Variants in USP32 observed in about 807,000 individuals in gnomAD.
USP32 encodes ubiquitin carboxyl-terminal hydrolase 32.
USP32 carries 59 observed loss-of-function variants against 204.8 expected under a neutral mutation model. That is an observed-to-expected ratio of 0.29 (90% CI 0.23 to 0.36). USP32 has a LOEUF of 0.36. Ranked by LOEUF, USP32 falls within the 10% of genes least tolerant of loss-of-function variation. USP32 has a pLI of 1.00. For synonymous variants in USP32, 517 were observed against 678.4 expected, an observed-to-expected ratio of 0.76 and a Z score of 3.70; for missense variants, 1,160 against 1,946.4, an observed-to-expected ratio of 0.60 and a Z score of 7.60.
intron 2 of USP32, among the ~76,000 whole-genome samples, chr17:60,312,488 T>C (rs2145920776): frequency 6.6e-6 from 1 of 151,772 alleles, no homozygotes; most frequent in East Asian, 1.9e-4. Context: ...TGCAGTGGCA[T>C]AACCACAGCT....
chr17:60,334,271 C>T (rs561744588), intron 2 of USP32, among the ~76,000 whole-genome samples: 2 of 152,044 alleles, frequency 1.3e-5, no homozygotes, highest in Admixed American at 6.6e-5. Flanking sequence ...AGGCCATGTA[C>T]GATCTGTGTT....
intron 5 of USP32, among the ~76,000 whole-genome samples, chr17:60,281,012 A>C (rs2086954630): frequency 6.6e-6 from 1 of 152,240 alleles, no homozygotes; most frequent in Non-Finnish European, 1.5e-5. Flanking sequence ...TGTTGAATAA[A>C]TTTGTTGGTT....
chr17:60,293,424 A>G (rs1353354171), intron 4 of USP32, among the ~76,000 whole-genome samples: 4 of 152,112 alleles, frequency 2.6e-5, no homozygotes. Context: ...ATTATGGGGG[A>G]AAAAAACAAA....
intron 2 of USP32, among the ~76,000 whole-genome samples, chr17:60,325,898 C>T (rs2145951990): frequency 6.7e-6 from 1 of 149,424 alleles, no homozygotes; most frequent in Admixed American, 6.7e-5. Flanking sequence ...CATTGCACTC[C>T]AGCCTAGGTG....
At position 60,178,959 on chromosome 17, in the gene USP32, A is replaced by G. The variant is rs2084032527; in HGVS notation, c.*296T>C. 1 of 322,284 alleles carries G rather than the reference A, an allele frequency of 3.1e-6. No individual in the cohort carries two copies. Among genetic ancestry groups the G allele is most frequent in the Non-Finnish European group, 5.7e-6 (1 of 174,074 alleles). 20.0% of individuals were successfully genotyped at this position (322,284 alleles called of 1,614,324 possible). On this transcript the variant is annotated 3_prime_UTR_variant, in exon 34 of 34. Transcript: ENST00000300896. ...ACTACATATTTGTTCATATCTGGACAAGCACAATTGAATTCTTATTTGGTC... is the reference window on the plus strand; with the variant it reads ...ACTACATATTTGTTCATATCTGGACGAGCACAATTGAATTCTTATTTGGTC...
At chr17:60,323,903 A>G (rs541937117) in intron 2 of USP32, among the ~76,000 whole-genome samples, 1 of 152,364 alleles carries the variant, frequency 6.6e-6, no homozygotes, top group African/African-American at 2.4e-5. Context: ...ATTCTTCTTC[A>G]AAGATGGAAT....
At chr17:60,264,060 G>A (rs2086522995) in intron 9 of USP32, among the ~76,000 whole-genome samples, 1 of 152,194 alleles carries the variant, frequency 6.6e-6, no homozygotes, top group East Asian at 1.9e-4. Context: ...AGTAATGCAA[G>A]CTATAGGAGT....
At chr17:60,179,631 T>C (rs551034293) in intron 33 of USP32, among the ~76,000 whole-genome samples, 3 of 152,300 alleles carry the variant, frequency 2.0e-5, no homozygotes, top group Non-Finnish European at 4.4e-5. Flanking sequence ...ATTTTGACCA[T>C]AGACAAGTCA....
intron 30 of USP32, among the ~76,000 whole-genome samples, chr17:60,184,384 G>A (rs944307053): frequency 2.0e-5 from 3 of 150,944 alleles, no homozygotes; most frequent in African/African-American, 7.3e-5. Context: ...CTTCCCTCTA[G>A]TTCCTATCTG....
chr17:60,332,432 G>A (rs1212021308), intron 2 of USP32, among the ~76,000 whole-genome samples: 1 of 151,968 alleles, frequency 6.6e-6, no homozygotes, highest in Admixed American at 6.6e-5. Context: ...TGGATCACCT[G>A]AGGTCAGGAG....
At chr17:60,309,769 G>C (rs1324906250) in intron 2 of USP32, among the ~76,000 whole-genome samples, 1 of 151,906 alleles carries the variant, frequency 6.6e-6, no homozygotes. Context: ...AGGCAGACTG[G>C]GCACAGTGGC....
At chr17:60,421,489 C>T (rs111335380) in intron 1 of USP32, 10 of 985,466 alleles carry the variant, frequency 1.0e-5, no homozygotes, top group Middle Eastern at 5.2e-4. Context: ...CAGGGCCACA[C>T]TGAGTGGGGA....
intron 2 of USP32, among the ~76,000 whole-genome samples, chr17:60,328,236 G>A (rs2088293417): frequency 6.6e-6 from 1 of 152,204 alleles, no homozygotes; most frequent in Admixed American, 6.5e-5. Flanking sequence ...CCCAGGATCA[G>A]CCAGAGCTGT....
At chr17:60,181,892 T>C in intron 31 of USP32, 144 bp from the exon 32 acceptor site, 1 of 1,289,788 alleles carries the variant, frequency 7.8e-7, no homozygotes, top group Non-Finnish European at 1.1e-6. Flanking sequence ...CTTTAGTTCC[T>C]ATTATGTAGC....
chr17:60,316,082 T>C (rs557228012), intron 2 of USP32: 7 of 231,490 alleles, frequency 3.0e-5, no homozygotes, highest in African/African-American at 7.0e-5. Context: ...AGAATACAGT[T>C]ACTGGTGCTC....
chr17:60,296,128 C>T (rs2087422812), intron 3 of USP32, among the ~76,000 whole-genome samples: 1 of 152,044 alleles, frequency 6.6e-6, no homozygotes, highest in Non-Finnish European at 1.5e-5. Flanking sequence ...TTTAAAAAAT[C>T]AAATCAGGGA....
chr17:60,268,795 C>A (rs192966139), intron 7 of USP32, among the ~76,000 whole-genome samples: 1 of 151,800 alleles, frequency 6.6e-6, no homozygotes, highest in Non-Finnish European at 1.5e-5. Flanking sequence ...GTACTAAATA[C>A]GATAAAAATA....
rs1463060790 is a variant in USP32 at position 60,209,532 on chromosome 17, T to C, written c.2436A>G (p.Ala812=). 10 of 1,590,904 alleles carry C rather than the reference T, an allele frequency of 6.3e-6. No individual in the cohort carries two copies. The highest frequency in any genetic ancestry group is 1.4e-5 in the African/African-American group (1 of 73,200). The change falls in exon 22 of 34, where the codon GCA becomes GCG. Residue 812 remains alanine (A), a synonymous_variant. Transcript: ENST00000300896. The part of the protein sequence containing the change: ...VAPLKLRWTI[A]KYAPRFNGFQ... The stretch of plus-strand genomic sequence containing the variant: ...ACCCATTAAACCTGGGAGCATATTT[T>C]GCTATGGTCCACTATAAATATAAGA...
chr17:60,274,192 A>G (rs1354445546), intron 5 of USP32, among the ~76,000 whole-genome samples: 2 of 152,150 alleles, frequency 1.3e-5, no homozygotes, highest in African/African-American at 2.4e-5. Flanking sequence ...AGAGGACTTA[A>G]CAGCCAATTA....
Sources: gnomAD v4.1 joint callset for allele counts (sites outside exome capture counted in the v4.1 genomes callset) on GRCh38, gnomAD v4.1.1 for gene constraint, MANE v1.5 for transcripts, NCBI Gene and HGNC (gene_info 2026-07-23, HGNC 2026-07-21) for gene names.